Variants in KCNH5 observed in about 807,000 individuals in gnomAD.
The protein encoded by KCNH5 is voltage-gated delayed rectifier potassium channel KCNH5.
A neutral mutation model predicts 96.1 loss-of-function variants in KCNH5; 46 were observed. The observed-to-expected ratio is 0.48, with a 90% CI of 0.38 to 0.61. The LOEUF (loss-of-function observed/expected upper bound fraction) is 0.61. Among genes scored for constraint, KCNH5 ranks in the 20% least tolerant of loss-of-function variants. The pLI is 0.00. For synonymous variants in KCNH5, 439 were observed against 449.8 expected (o/e 0.98, Z 0.30); for missense variants, 907 against 1,225.8 (o/e 0.74, Z 3.88).
At chr14:62,712,988 T>C (rs1296267476) in intron 10 of KCNH5, among the ~76,000 whole-genome samples, 2 of 152,216 alleles carry the variant, frequency 1.3e-5, no homozygotes, top group Non-Finnish European at 2.9e-5. Context: ...GGTCAAAGAA[T>C]GTGACTTTCC....
chr14:62,876,703 A>T (rs1423197526), intron 7 of KCNH5, among the ~76,000 whole-genome samples: 2 of 152,232 alleles, frequency 1.3e-5, no homozygotes, highest in African/African-American at 4.8e-5. Flanking sequence ...CTTTATCAAG[A>T]CAACAGGGTA....
chr14:62,973,449 A>G (rs1890446557), intron 6 of KCNH5, among the ~76,000 whole-genome samples: 1 of 152,188 alleles, frequency 6.6e-6, no homozygotes, highest in Non-Finnish European at 1.5e-5. Context: ...GCCCTCATGC[A>G]TGGATTAATG....
chr14:62,998,211 T>A (rs1890946279), intron 4 of KCNH5, among the ~76,000 whole-genome samples: 1 of 152,196 alleles, frequency 6.6e-6, no homozygotes, highest in Admixed American at 6.5e-5. Flanking sequence ...TTTGGTAGTT[T>A]GTGTGTTTCA....
intron 10 of KCNH5, among the ~76,000 whole-genome samples, chr14:62,714,925 G>A (rs1347652246): frequency 2.0e-5 from 3 of 152,216 alleles, no homozygotes; most frequent in South Asian, 2.1e-4. Flanking sequence ...ATCAGGCTAC[G>A]GTTCCAGCTA....
At chr14:62,911,701 TG>T (rs1889158115) in intron 7 of KCNH5, among the ~76,000 whole-genome samples, 1 of 151,318 alleles carries the variant, frequency 6.6e-6, no homozygotes, top group East Asian at 1.9e-4. Flanking sequence ...GTCAGATTAC[TG>T]GAGGAAGGCT....
intron 3 of KCNH5, among the ~76,000 whole-genome samples, chr14:63,001,991 T>C (rs140095959): frequency 5.7e-4 from 87 of 152,364 alleles, no homozygotes; most frequent in African/African-American, 2.1e-3. Context: ...GATAGACTTA[T>C]ATGATAGCTC....
chr14:62,827,036 A>G (rs1464844789), intron 8 of KCNH5, among the ~76,000 whole-genome samples: 2 of 152,158 alleles, frequency 1.3e-5, no homozygotes, highest in Non-Finnish European at 2.9e-5. Flanking sequence ...TGCCCACACT[A>G]TATCTTCTAT....
At chr14:62,792,960 A>G (rs1174672534) in intron 9 of KCNH5, among the ~76,000 whole-genome samples, 1 of 151,794 alleles carries the variant, frequency 6.6e-6, no homozygotes, top group Non-Finnish European at 1.5e-5. Flanking sequence ...AATATTATTC[A>G]GCCTTTGAAA....
At chr14:62,757,422 T>A (rs1049837787) in intron 10 of KCNH5, among the ~76,000 whole-genome samples, 15 of 152,116 alleles carry the variant, frequency 9.9e-5, no homozygotes, top group Non-Finnish European at 1.6e-4. Context: ...CCATATGATC[T>A]AGCACCCCCA....
At chr14:62,859,501 C>A (rs1019938806) in intron 7 of KCNH5, among the ~76,000 whole-genome samples, 1 of 152,180 alleles carries the variant, frequency 6.6e-6, no homozygotes, top group African/African-American at 2.4e-5. Flanking sequence ...ACATGAGCTA[C>A]AAATATCTTC....
At chr14:62,936,907 G>T (rs1055583005) in intron 7 of KCNH5, among the ~76,000 whole-genome samples, 3 of 150,092 alleles carry the variant, frequency 2.0e-5, no homozygotes, top group Non-Finnish European at 4.4e-5. Context: ...CTTGAACCCA[G>T]GAGGCAGAGG....
chr14:62,788,945 G>A (rs1381029080), intron 9 of KCNH5, among the ~76,000 whole-genome samples: 1 of 151,912 alleles, frequency 6.6e-6, no homozygotes, highest in East Asian at 1.9e-4. Context: ...ATGGTGGTCT[G>A]GTACCAAACC....
At chr14:63,024,815 C>A (rs1341806140) in intron 1 of KCNH5, among the ~76,000 whole-genome samples, 1 of 152,078 alleles carries the variant, frequency 6.6e-6, no homozygotes, top group African/African-American at 2.4e-5. Context: ...CTGATACTTT[C>A]ACTGCTTACT....
intron 4 of KCNH5, among the ~76,000 whole-genome samples, chr14:62,995,623 T>G (rs1359119754): frequency 1.3e-5 from 2 of 152,154 alleles, no homozygotes; most frequent in Non-Finnish European, 2.9e-5. Context: ...TGGACCTTTG[T>G]GCAGCTCAGA....
At chr14:62,720,087 G>A (rs1440734020) in intron 10 of KCNH5, among the ~76,000 whole-genome samples, 2 of 152,190 alleles carry the variant, frequency 1.3e-5, no homozygotes, top group African/African-American at 4.8e-5. Flanking sequence ...TCTATGGGGA[G>A]GTGATATTTG....
chr14:62,866,180 G>C (rs1888130883), intron 7 of KCNH5, among the ~76,000 whole-genome samples: 1 of 152,154 alleles, frequency 6.6e-6, no homozygotes, highest in Non-Finnish European at 1.5e-5. Flanking sequence ...TGGCCGAAAA[G>C]TAACCTTAGT....
At chr14:62,874,685 G>GTTTCAATA in intron 7 of KCNH5, among the ~76,000 whole-genome samples, 1 of 148,544 alleles carries the variant, frequency 6.7e-6, no homozygotes, top group East Asian at 2.0e-4. Context: ...TTGATGGGAC[G>GTTTCAATA]TATTTCAAAA....
intron 7 of KCNH5, among the ~76,000 whole-genome samples, chr14:62,938,039 C>T (rs1595692186): frequency 6.6e-6 from 1 of 152,178 alleles, no homozygotes; most frequent in Admixed American, 6.5e-5. Context: ...AGAGTCAATA[C>T]CAGACCTGCC....
At chr14:62,887,642 G>C (rs1269058602) in intron 7 of KCNH5, among the ~76,000 whole-genome samples, 1 of 152,014 alleles carries the variant, frequency 6.6e-6, no homozygotes, top group Non-Finnish European at 1.5e-5. Context: ...TTGAAGCTGG[G>C]GTCAGAATAT....
Sources: allele counts gnomAD v4.1 joint callset (sites outside exome capture counted in the v4.1 genomes callset), GRCh38; gene constraint gnomAD v4.1.1; transcripts MANE v1.5; gene names NCBI Gene and HGNC (gene_info 2026-07-23, HGNC 2026-07-21).